The following ASAP2 variants were observed in gnomAD, a reference collection of about 807,000 sequenced individuals.
ASAP2 encodes arf-GAP with SH3 domain, ANK repeat and PH domain-containing protein 2.
In ASAP2, 45 loss-of-function variants were observed where a neutral mutation model predicts 131.4. The ratio of observed to expected loss-of-function variants is 0.34; its 90% confidence interval spans 0.27 to 0.44. The LOEUF (loss-of-function observed/expected upper bound fraction) is 0.44. Ranked by LOEUF, ASAP2 falls within the 20% of genes least tolerant of loss-of-function variation. The probability of loss-of-function intolerance (pLI) is 1.00; values close to 1 mark genes in which losing one functional copy is unlikely to be tolerated. For missense variants in ASAP2, 1,011 were observed against 1,297.0 expected (o/e 0.78, Z 3.39); for synonymous variants, 510 against 503.0 (o/e 1.01, Z -0.19).
intron 2 of ASAP2, among the ~76,000 whole-genome samples, chr2:9,280,970 T>G (rs1453282089): frequency 6.6e-6 from 1 of 152,224 alleles, no homozygotes; most frequent in Non-Finnish European, 1.5e-5. Flanking sequence ...ATGGTCTTAC[T>G]GCTGTGTCAG....
intron 21 of ASAP2, among the ~76,000 whole-genome samples, chr2:9,386,749 G>A (rs1163342278): frequency 6.6e-6 from 1 of 152,248 alleles, no homozygotes; most frequent in Non-Finnish European, 1.5e-5. Flanking sequence ...ACCTGGCATT[G>A]TGCTAGAAAA....
intron 1 of ASAP2, among the ~76,000 whole-genome samples, chr2:9,221,349 T>G (rs1662407190): frequency 6.7e-6 from 1 of 149,590 alleles, no homozygotes; most frequent in South Asian, 2.1e-4. Flanking sequence ...TGAGACGGAA[T>G]TTTCCTCTGT....
chr2:9,274,631 A>C (rs902939500), intron 1 of ASAP2, among the ~76,000 whole-genome samples: 1 of 147,368 alleles, frequency 6.8e-6, no homozygotes, highest in Non-Finnish European at 1.5e-5. Flanking sequence ...CCTAACACTC[A>C]ATCTTAAACA....
At chr2:9,215,626 CAG>C (rs1197934437) in intron 1 of ASAP2, among the ~76,000 whole-genome samples, 5 of 148,860 alleles carry the variant, frequency 3.4e-5, no homozygotes, top group Non-Finnish European at 7.4e-5. Context: ...TGGATTCAGA[CAG>C]AGAATTCCAG....
intron 3 of ASAP2, among the ~76,000 whole-genome samples, chr2:9,299,604 T>C (rs1462801620): frequency 2.0e-5 from 3 of 152,104 alleles, no homozygotes; most frequent in African/African-American, 4.8e-5. Context: ...AAGAGGATCA[T>C]GGCGAAGGGA....
Position 9,218,449 on chromosome 2 carries a change from G to A in ASAP2, c.126+11219G>A, listed in dbSNP as rs1033169743. On this transcript the variant is annotated intron_variant, in intron 1 of 27. Coordinates refer to ENST00000281419, the MANE Select transcript of ASAP2 (RefSeq NM_003887.3). ...CCCAGACCCATAGAGTATTCCCTTC[G>A]TTTCAGCAAATCTGTATTTTGAGGC... Among the ~76,000 whole-genome samples, 4 of 152,196 alleles carry A rather than the reference G, an allele frequency of 2.6e-5. No homozygotes were observed. The South Asian group carries it at 6.2e-4, about 24-fold the overall frequency.
At chr2:9,401,039 GC>G (rs1676619866) in intron 26 of ASAP2, among the ~76,000 whole-genome samples, 1 of 152,104 alleles carries the variant, frequency 6.6e-6, no homozygotes, top group Admixed American at 6.5e-5. Context: ...AGAGTACCCT[GC>G]CCCGGCCGCT....
intron 16 of ASAP2, 83 bp from the exon 17 acceptor site, chr2:9,374,672 G>A (rs1035948409): frequency 8.8e-6 from 12 of 1,355,984 alleles, no homozygotes; most frequent in African/African-American, 5.9e-5. Context: ...CGCAGGAACC[G>A]TTAACATGGC....
chr2:9,354,918 TGTC>T (rs1423904120), intron 12 of ASAP2, among the ~76,000 whole-genome samples: 1 of 152,248 alleles, frequency 6.6e-6, no homozygotes, highest in African/African-American at 2.4e-5. Flanking sequence ...AATTGGTACT[TGTC>T]ATCATTCTGC....
intron 11 of ASAP2, among the ~76,000 whole-genome samples, chr2:9,346,193 C>A (rs112122995): frequency 0.012 from 1,852 of 152,018 alleles, 35 homozygotes; most frequent in African/African-American, 0.043. Context: ...TTAGGGAGGC[C>A]GAGGCGGGCA....
intron 24 of ASAP2, among the ~76,000 whole-genome samples, chr2:9,397,979 C>T (rs1434066414): frequency 9.9e-5 from 15 of 150,914 alleles, no homozygotes; most frequent in African/African-American, 3.7e-4. Context: ...AAGATGGTCT[C>T]GATCTCCTGA....
chr2:9,219,137 G>A (rs1225477308), intron 1 of ASAP2, among the ~76,000 whole-genome samples: 2 of 152,180 alleles, frequency 1.3e-5, no homozygotes, highest in African/African-American at 4.8e-5. Flanking sequence ...TGATGATCAT[G>A]GGGTTTTGTG....
At chr2:9,349,822 G>T (rs528420626) in intron 11 of ASAP2, among the ~76,000 whole-genome samples, 1 of 152,328 alleles carries the variant, frequency 6.6e-6, no homozygotes. Flanking sequence ...GTGCTTGAGG[G>T]TTTCACAGGT....
intron 2 of ASAP2, among the ~76,000 whole-genome samples, chr2:9,282,977 G>A (rs1667229689): frequency 6.6e-6 from 1 of 152,206 alleles, no homozygotes; most frequent in South Asian, 2.1e-4. Flanking sequence ...CCAGTCACCT[G>A]CAGGGGACCT....
At chr2:9,340,650 C>T (rs1385444577) in intron 9 of ASAP2, among the ~76,000 whole-genome samples, 1 of 152,130 alleles carries the variant, frequency 6.6e-6, no homozygotes, top group African/African-American at 2.4e-5. Context: ...TTTAAGCTTC[C>T]AAAAATGACT....
Position 9,403,297 on chromosome 2 carries a change from G to A in ASAP2, c.2991G>A (p.Pro997=), listed in dbSNP as rs146689258. 5,252 of 1,614,006 alleles carry A rather than the reference G, an allele frequency of 3.3e-3. 18 individuals carry two copies. The highest frequency in any genetic ancestry group is 4.2e-3 in the Non-Finnish European group (4,958 of 1,180,000). The change falls in exon 28 of 28, where the codon CCG becomes CCA. Residue 997 remains proline, a synonymous_variant. Transcript: ENST00000281419. ...ATCCTGGTCGCAAAGGCGCATTCCCGGTGTCATTTGTGCACTTTATCGCTG... is the reference window on the plus strand; with the variant it reads ...ATCCTGGTCGCAAAGGCGCATTCCCAGTGTCATTTGTGCACTTTATCGCTG... ...DGDPGRKGAF[P]VSFVHFIAD is the part of the protein sequence containing the mutation.
At chr2:9,341,993 T>A (rs1210474021) in intron 9 of ASAP2, among the ~76,000 whole-genome samples, 3 of 152,142 alleles carry the variant, frequency 2.0e-5, no homozygotes, top group Admixed American at 6.5e-5. Context: ...CACGTGGAGT[T>A]TTTTGGTTTT....
At position 9,255,254 on chromosome 2, in the gene ASAP2, C is replaced by T. The variant is rs11685799; in HGVS notation, c.127-24063C>T. Among the ~76,000 whole-genome samples, 503 of 152,294 alleles carry T rather than the reference C, an allele frequency of 3.3e-3. 3 individuals are homozygous for T. Among genetic ancestry groups the T allele is most frequent in the African/African-American group, 0.012 (484 of 41,552 alleles). Reference sequence around the variant, plus strand: ...AAGTTGGTTCTCAGATCATACAATGCATCATGAGAGTAGAGATTCTAATGA... The same window carrying T: ...AAGTTGGTTCTCAGATCATACAATGTATCATGAGAGTAGAGATTCTAATGA... On this transcript the variant is annotated intron_variant, in intron 1 of 27. Transcript: ENST00000281419.
At chr2:9,364,554 A>G (rs1673314586) in intron 15 of ASAP2, among the ~76,000 whole-genome samples, 1 of 152,176 alleles carries the variant, frequency 6.6e-6, no homozygotes, top group Non-Finnish European at 1.5e-5. Flanking sequence ...GCATTACCAA[A>G]TATTTACTGA....
Sources: allele counts gnomAD v4.1 joint callset (sites outside exome capture counted in the v4.1 genomes callset), GRCh38; gene constraint gnomAD v4.1.1; transcripts MANE v1.5; gene names NCBI Gene and HGNC (gene_info 2026-07-23, HGNC 2026-07-21).